The following C4orf51 variants were observed in gnomAD, a reference collection of about 807,000 sequenced individuals.
C4orf51 encodes the protein uncharacterized protein C4orf51.
In C4orf51, 25 loss-of-function variants were observed where a neutral mutation model predicts 25.2. The ratio of observed to expected loss-of-function variants is 0.99; its 90% CI spans 0.72 to 1.39. C4orf51 has a LOEUF of 1.39. Ranked by LOEUF, C4orf51 falls within the 40% of genes most tolerant of loss-of-function variation. The pLI is 0.00. For missense variants in C4orf51, 252 were observed against 239.6 expected (o/e 1.05, Z -0.34); for synonymous variants, 100 against 84.5 (o/e 1.18, Z -1.01).
At chr4:145,698,667 A>T (rs995620931) in intron 2 of C4orf51, among the ~76,000 whole-genome samples, 1 of 152,178 alleles carries the variant, frequency 6.6e-6, no homozygotes, top group African/African-American at 2.4e-5. Flanking sequence ...TTTGTGAGGC[A>T]TGTCTGACCC....
At chr4:145,723,697 T>C (rs1162290381) in intron 2 of C4orf51, among the ~76,000 whole-genome samples, 1 of 152,244 alleles carries the variant, frequency 6.6e-6, no homozygotes, top group African/African-American at 2.4e-5. Context: ...TTTAGTTTTA[T>C]CAACAAATTG....
intron 1 of C4orf51, among the ~76,000 whole-genome samples, chr4:145,694,343 C>T (rs1410740065): frequency 6.7e-6 from 1 of 149,714 alleles, no homozygotes; most frequent in African/African-American, 2.5e-5. Context: ...GGCAGAGACA[C>T]TCCTCACTGC....
Position 145,762,416 on chromosome 4 carries a change from C to T in C4orf51, n.167-8572C>T, listed in dbSNP as rs777233986. ...TTATGCCGGAGATAGGATAATAATC[C>T]AACTGGATTGGAAATTCTCAGAGGG... On this transcript the variant is annotated intron_variant and non_coding_transcript_variant, in intron 1 of 1. Transcript: ENST00000510096. This position sits in a 1 kb window ranked among gnomAD's most constrained non-coding sequence, Gnocchi z 4.9. 1.3e-5 allele frequency among the ~76,000 whole-genome samples: 2 copies of T among 152,122 alleles called. No homozygotes were observed. The highest frequency in any genetic ancestry group is 1.3e-4 in the Admixed American group (2 of 15,272).
intron 2 of C4orf51, among the ~76,000 whole-genome samples, chr4:145,710,945 G>C (rs774914750): frequency 2.6e-5 from 4 of 152,116 alleles, no homozygotes; most frequent in African/African-American, 9.7e-5. Flanking sequence ...GAGGAATTTA[G>C]AAGTAATTAG....
chr4:145,715,123 GGTA>G (rs1731337009), intron 2 of C4orf51, among the ~76,000 whole-genome samples: 1 of 152,328 alleles, frequency 6.6e-6, no homozygotes, highest in South Asian at 2.1e-4. Flanking sequence ...CAGGGGAAGG[GGTA>G]GTGATGCATG....
intron 2 of C4orf51, among the ~76,000 whole-genome samples, chr4:145,699,094 GAACA>G (rs1232827137): frequency 6.6e-6 from 1 of 151,282 alleles, no homozygotes; most frequent in Non-Finnish European, 1.5e-5. Flanking sequence ...GCCCGCCAGA[GAACA>G]AACCCCCTTT....
the C4orf51 span, among the ~76,000 whole-genome samples, chr4:145,791,299 T>C: frequency 4.6e-5 from 7 of 152,190 alleles, no homozygotes; most frequent in Admixed American, 3.3e-4. Context: ...GGGCCTCTTT[T>C]ATAGGGGCAC....
intron 2 of C4orf51, among the ~76,000 whole-genome samples, chr4:145,724,245 A>G (rs1578992545): frequency 2.0e-5 from 3 of 152,194 alleles, no homozygotes. Context: ...GAGCTTTGAA[A>G]GGCTAAGAAT....
the C4orf51 span, among the ~76,000 whole-genome samples, chr4:145,780,638 C>T: frequency 6.6e-6 from 1 of 152,158 alleles, no homozygotes; most frequent in Non-Finnish European, 1.5e-5. Flanking sequence ...TACAAACATT[C>T]CTCCTATGAT....
intron 1 of C4orf51, among the ~76,000 whole-genome samples, chr4:145,688,845 C>A (rs2126664690): frequency 6.6e-6 from 1 of 152,092 alleles, no homozygotes; most frequent in South Asian, 2.1e-4. Flanking sequence ...TTATGTGGAA[C>A]TACAAAGAGC....
At chr4:145,742,786 C>T (rs952377421) in intron 1 of C4orf51, among the ~76,000 whole-genome samples, 4 of 151,856 alleles carry the variant, frequency 2.6e-5, no homozygotes, top group African/African-American at 4.8e-5. Context: ...ATGATCTACC[C>T]GCCTCGGCCT....
intron 2 of C4orf51, among the ~76,000 whole-genome samples, chr4:145,704,620 C>T (rs1730680371): frequency 6.6e-6 from 1 of 152,118 alleles, no homozygotes; most frequent in South Asian, 2.1e-4. Flanking sequence ...CCTTTGATTG[C>T]TACAGTTTTC....
chr4:145,707,955 CA>C (rs1368622543), intron 2 of C4orf51, among the ~76,000 whole-genome samples: 1 of 152,220 alleles, frequency 6.6e-6, no homozygotes, highest in Non-Finnish European at 1.5e-5. Flanking sequence ...GATTCTGTCC[CA>C]GGGGTGGTTT....
chr4:145,729,297 ATTTTTTTTTTT>A (rs547075220), intron 4 of C4orf51, 68 bp downstream of exon 4: 4 of 292,922 alleles, frequency 1.4e-5, no homozygotes, highest in Non-Finnish European at 2.2e-5. Context: ...TGGTCATGTG[ATTTTTTTTTTT>A]TTTTTTTTTT....
intron 1 of C4orf51, among the ~76,000 whole-genome samples, chr4:145,744,592 C>T (rs192874904): frequency 1.3e-4 from 20 of 151,820 alleles, no homozygotes; most frequent in East Asian, 3.9e-4. Context: ...GAGGCCAAGG[C>T]GGGTGGATCA....
Position 145,765,795 on chromosome 4 carries a change from A to C in C4orf51, n.167-5193A>C. ...ATGAGATGAAAATCCTCAGAATTAT[A>C]GCAACTGAGGGTGACGAGTTGAGTC... is the stretch of plus-strand genomic sequence containing the variant. On this transcript the variant is annotated intron_variant and non_coding_transcript_variant, in intron 1 of 1. Transcript: ENST00000510096. The surrounding 1 kb of genome is among the most constrained non-coding windows in gnomAD (Gnocchi z 4.7). 2 of 1,550,994 alleles carry C rather than the reference A, an allele frequency of 1.3e-6. No individual in the cohort carries two copies. Among genetic ancestry groups the C allele is most frequent in the Non-Finnish European group, 1.8e-6 (2 of 1,138,704 alleles).
At chr4:145,735,485 G>A (rs1732757021), downstream of C4orf51, among the ~76,000 whole-genome samples, 3 of 152,150 alleles carry the variant, frequency 2.0e-5, no homozygotes. Flanking sequence ...TAGCAGAGGT[G>A]GTGGGAGGGG....
chr4:145,686,220 G>A (rs1250843739), intron 1 of C4orf51, among the ~76,000 whole-genome samples: 4 of 152,146 alleles, frequency 2.6e-5, no homozygotes, highest in African/African-American at 7.2e-5. Flanking sequence ...CAGACAAAAA[G>A]TAGAATACAT....
At chr4:145,719,175 A>G (rs779894017) in intron 2 of C4orf51, among the ~76,000 whole-genome samples, 1 of 152,196 alleles carries the variant, frequency 6.6e-6, no homozygotes, top group Non-Finnish European at 1.5e-5. Context: ...TTGTTGAACA[A>G]TGGTTTTTAT....
Sources: allele counts gnomAD v4.1 joint callset (sites outside exome capture counted in the v4.1 genomes callset), GRCh38; gene constraint gnomAD v4.1.1; non-coding constraint Gnocchi (gnomAD v3.1); transcripts MANE v1.5; gene names NCBI Gene and HGNC (gene_info 2026-07-23, HGNC 2026-07-21).